Variants in PDE5A observed in about 807,000 individuals in gnomAD.
The protein encoded by PDE5A is phosphodiesterase 5A, also known as cGMP-specific 3',5'-cyclic phosphodiesterase.
PDE5A carries 67 observed loss-of-function variants against 110.2 expected under a neutral mutation model. The ratio of observed to expected loss-of-function variants is 0.61; its 90% CI spans 0.50 to 0.75. The LOEUF is 0.75. Ranked by LOEUF, PDE5A falls within the 30% of genes least tolerant of loss-of-function variation. The pLI, the probability that PDE5A is intolerant of heterozygous loss-of-function variation, is 0.00. For missense variants in PDE5A, 862 were observed against 1,045.1 expected (o/e 0.82, Z 2.42); for synonymous variants, 328 against 351.2 (o/e 0.93, Z 0.74).
chr4:119,507,546 T>C (rs1339879997), intron 16 of PDE5A, 58 bp downstream of exon 16: 5 of 1,160,612 alleles, frequency 4.3e-6, no homozygotes, highest in Non-Finnish European at 6.2e-6. Flanking sequence ...ATGTCAAAAG[T>C]TTGAAACAAT....
chr4:119,589,048 A>G (rs1728870881), intron 3 of PDE5A, among the ~76,000 whole-genome samples: 1 of 152,192 alleles, frequency 6.6e-6, no homozygotes, highest in Non-Finnish European at 1.5e-5. Context: ...ACATTCAACA[A>G]TGGTGGTTCA....
chr4:119,583,107 T>C (rs898939164), intron 3 of PDE5A, among the ~76,000 whole-genome samples: 42 of 152,352 alleles, frequency 2.8e-4, no homozygotes, highest in African/African-American at 9.6e-4. Flanking sequence ...TGGCATCTTC[T>C]TCTAATAGTA....
chr4:119,536,755 T>C (rs1373265227), intron 11 of PDE5A, among the ~76,000 whole-genome samples: 1 of 152,136 alleles, frequency 6.6e-6, no homozygotes, highest in Non-Finnish European at 1.5e-5. Context: ...TCTAACTTAC[T>C]CTCTCTCCAG....
At chr4:119,611,275 A>G (rs1440195128) in intron 1 of PDE5A, among the ~76,000 whole-genome samples, 6 of 152,196 alleles carry the variant, frequency 3.9e-5, no homozygotes, top group African/African-American at 1.4e-4. Flanking sequence ...ATCCCCTCTG[A>G]CTAGATATTT....
At chr4:119,540,477 A>G (rs972791151) in intron 10 of PDE5A, among the ~76,000 whole-genome samples, 18 of 102,440 alleles carry the variant, frequency 1.8e-4, no homozygotes, top group African/African-American at 7.0e-4. Flanking sequence ...ACCTGTTGCT[A>G]CTGAGACTAC....
Position 119,606,767 on chromosome 4 carries a change from C to T in PDE5A, c.683G>A (p.Gly228Asp). Residue 228 changes from glycine (G) to aspartate (D), a missense_variant, in exon 2 of 21, where the codon GGC becomes GAC. Coordinates refer to ENST00000354960, the MANE Select transcript of PDE5A (RefSeq NM_001083.4). ...AAGCGCTGCCACATGTCCCACAATG[C>T]CTTTGTTCCATTCTAAGCGGATACA... ...NNCIRLEWNKGIVGHVAALGE... is the reference protein window; with the variant it reads ...NNCIRLEWNKDIVGHVAALGE... 6.2e-7 allele frequency: 1 copy of T among 1,614,162 alleles called. No homozygotes were observed. The highest frequency in any genetic ancestry group is 1.3e-5 in the African/African-American group (1 of 75,028).
chr4:119,597,779 A>C (rs1214637013), intron 2 of PDE5A, among the ~76,000 whole-genome samples: 1 of 152,178 alleles, frequency 6.6e-6, no homozygotes, highest in Non-Finnish European at 1.5e-5. Flanking sequence ...AAGTGATTAC[A>C]CTAGATTCCA....
chr4:119,599,993 T>C (rs150697045), intron 2 of PDE5A, among the ~76,000 whole-genome samples: 2 of 152,268 alleles, frequency 1.3e-5, no homozygotes, highest in African/African-American at 2.4e-5. Context: ...TATCAACTGA[T>C]AGTGGTTCAT....
intron 14 of PDE5A, chr4:119,512,738 G>A (rs1401476886): frequency 6.6e-6 from 1 of 152,190 alleles, no homozygotes; most frequent in Non-Finnish European, 1.5e-5. Context: ...CACAGGAAAA[G>A]GGAGAAGATG....
intron 2 of PDE5A, among the ~76,000 whole-genome samples, chr4:119,601,886 A>C (rs940537487): frequency 6.6e-6 from 1 of 152,202 alleles, no homozygotes; most frequent in Non-Finnish European, 1.5e-5. Flanking sequence ...TTTGTGAAGG[A>C]CATTCTACAA....
chr4:119,504,626 C>G (rs1414647520), intron 17 of PDE5A, 27 bp from the exon 18 acceptor site: 1 of 1,588,446 alleles, frequency 6.3e-7, no homozygotes, highest in Admixed American at 1.7e-5. Context: ...AAACCCAAAA[C>G]TCCTATTTAC....
At chr4:119,603,296 T>G (rs1729407433) in intron 2 of PDE5A, among the ~76,000 whole-genome samples, 1 of 152,154 alleles carries the variant, frequency 6.6e-6, no homozygotes, top group African/African-American at 2.4e-5. Context: ...CATAGCCACT[T>G]CTCGTGCAGT....
intron 3 of PDE5A, among the ~76,000 whole-genome samples, chr4:119,591,504 T>A (rs1728965195): frequency 2.6e-5 from 4 of 152,142 alleles, no homozygotes; most frequent in Admixed American, 2.6e-4. Context: ...CCCCAAAGCC[T>A]CCCTGCAACT....
At chr4:119,557,779 C>A (rs778024560) in intron 7 of PDE5A, among the ~76,000 whole-genome samples, 5 of 152,178 alleles carry the variant, frequency 3.3e-5, no homozygotes, top group Non-Finnish European at 5.9e-5. Context: ...GTATGTGGTG[C>A]AACTTAAATA....
At chr4:119,506,454 GC>G (rs1725556433) in intron 16 of PDE5A, among the ~76,000 whole-genome samples, 1 of 151,630 alleles carries the variant, frequency 6.6e-6, no homozygotes, top group African/African-American at 2.4e-5. Context: ...CTCTTTATGT[GC>G]CCAGTATTGT....
At chr4:119,516,721 G>C (rs1005247277) in intron 14 of PDE5A, among the ~76,000 whole-genome samples, 2 of 152,098 alleles carry the variant, frequency 1.3e-5, no homozygotes, top group African/African-American at 4.8e-5. Flanking sequence ...GGGTTCAAGT[G>C]ATTCTCCTGC....
At chr4:119,570,569 T>C (rs922993530) in intron 3 of PDE5A, among the ~76,000 whole-genome samples, 2 of 152,254 alleles carry the variant, frequency 1.3e-5, no homozygotes, top group Admixed American at 6.5e-5. Context: ...AGGCCAAGAC[T>C]TGACTCTCAC....
intron 3 of PDE5A, among the ~76,000 whole-genome samples, chr4:119,577,038 A>G (rs1425628160): frequency 6.6e-6 from 1 of 152,212 alleles, no homozygotes; most frequent in Non-Finnish European, 1.5e-5. Flanking sequence ...TAAAACTACC[A>G]TCAGAGACTA....
rs115102013 is a variant in PDE5A, at chr4:119,539,877, G to A, written c.1573-858C>T. 7.7e-3 allele frequency among the ~76,000 whole-genome samples: 1,173 copies of A among 152,222 alleles called. 19 individuals are homozygous for A. Among genetic ancestry groups the A allele is most frequent in the African/African-American group, 0.027 (1,112 of 41,540 alleles). ...AGCATTTCCTTTTGAGTGTCATGCT[G>A]CTGCTCAGAGAATTTTGGATTTTGA... On this transcript the variant is annotated intron_variant, in intron 10 of 20. Transcript: ENST00000354960.
Sources: allele counts gnomAD v4.1 joint callset (sites outside exome capture counted in the v4.1 genomes callset), GRCh38; gene constraint gnomAD v4.1.1; transcripts MANE v1.5; gene names NCBI Gene and HGNC (gene_info 2026-07-23, HGNC 2026-07-21).